IL1RAPL1: variants seen among roughly 807,000 people sequenced by gnomAD.
The protein encoded by IL1RAPL1 is interleukin-1 receptor accessory protein-like 1.
A neutral mutation model predicts 48.4 loss-of-function variants in IL1RAPL1; 3 were observed. The observed-to-expected ratio is 0.06, with a 90% CI of 0.03 to 0.16. IL1RAPL1 has a LOEUF of 0.16. IL1RAPL1 is among the 10% of genes least tolerant of loss of function. The pLI is 1.00. For synonymous variants in IL1RAPL1, 185 were observed against 187.7 expected, an observed-to-expected ratio of 0.99 and a Z score of 0.12; for missense variants, 349 against 530.6, an observed-to-expected ratio of 0.66 and a Z score of 3.36.
At chrX:29,251,874 A>G (rs954441345) in intron 2 of IL1RAPL1, among the ~76,000 whole-genome samples, 8 of 111,461 alleles carry the variant, frequency 7.2e-5, no homozygotes, top group African/African-American at 2.0e-4. Context: ...AAAGTAGAAA[A>G]TCAATGATAG....
chrX:28,778,182 T>A (rs2147260008), intron 1 of IL1RAPL1, among the ~76,000 whole-genome samples: 1 of 111,823 alleles, frequency 8.9e-6, no homozygotes, highest in South Asian at 3.7e-4. Context: ...AAAATAAAAC[T>A]AAAAAATTTG....
intron 2 of IL1RAPL1, among the ~76,000 whole-genome samples, chrX:29,069,628 A>AACAC (rs56373899): frequency 0.15 from 12,366 of 83,482 alleles, 834 homozygotes; most frequent in South Asian, 0.23. Flanking sequence ...TTTCCTATAG[A>AACAC]ACACACACAC....
chrX:28,724,969 T>G (rs1907528577), intron 1 of IL1RAPL1, among the ~76,000 whole-genome samples: 1 of 102,644 alleles, frequency 9.7e-6, no homozygotes, highest in African/African-American at 3.6e-5. Context: ...TTTTTTTTTC[T>G]GAGACGGAGT....
At chrX:29,459,132 A>T (rs971575336) in intron 5 of IL1RAPL1, among the ~76,000 whole-genome samples, 1 of 112,281 alleles carries the variant, frequency 8.9e-6, no homozygotes, top group Non-Finnish European at 1.9e-5. Flanking sequence ...TGGGGCAATG[A>T]GAAAGTATTT....
At chrX:29,238,803 A>C (rs1020755142) in intron 2 of IL1RAPL1, among the ~76,000 whole-genome samples, 2 of 112,439 alleles carry the variant, frequency 1.8e-5, no homozygotes. Context: ...TTTCAGGTAC[A>C]CTGTCAATTG....
intron 1 of IL1RAPL1, among the ~76,000 whole-genome samples, chrX:28,777,943 T>C (rs1936376961): frequency 9.0e-6 from 1 of 111,664 alleles, no homozygotes; most frequent in Non-Finnish European, 1.9e-5. Flanking sequence ...TGAGAAACCC[T>C]GCCATAGGCA....
chrX:28,612,205 G>A (rs1934156848), intron 1 of IL1RAPL1, among the ~76,000 whole-genome samples: 2 of 111,696 alleles, frequency 1.8e-5, no homozygotes, highest in Admixed American at 1.9e-4. Flanking sequence ...CCTGCACTGC[G>A]AGAGGTCTCA....
intron 3 of IL1RAPL1, among the ~76,000 whole-genome samples, chrX:29,393,719 TTTTTG>T (rs1257397407): frequency 3.8e-5 from 3 of 79,249 alleles, no homozygotes; most frequent in Non-Finnish European, 6.1e-5. Context: ...TCTGTTTTTG[TTTTTG>T]TTTTTTTTTT....
chrX:29,082,440 T>A (rs1927863495), intron 2 of IL1RAPL1, among the ~76,000 whole-genome samples: 1 of 112,411 alleles, frequency 8.9e-6, no homozygotes, highest in Admixed American at 9.4e-5. Flanking sequence ...GCTGCAGTTG[T>A]TTTTTGGTTT....
chrX:28,598,418 G>A (rs986695336), intron 1 of IL1RAPL1, among the ~76,000 whole-genome samples: 1 of 110,964 alleles, frequency 9.0e-6, no homozygotes, highest in African/African-American at 3.3e-5. Context: ...ATTCTATATT[G>A]GAAGATGTAG....
chrX:28,789,633 C>T (rs1936512696), intron 2 of IL1RAPL1, among the ~76,000 whole-genome samples: 1 of 111,663 alleles, frequency 9.0e-6, no homozygotes, highest in Admixed American at 9.5e-5. Flanking sequence ...CTTATTTTAT[C>T]GATTACTATG....
chrX:29,031,425 A>G (rs1390383074), intron 2 of IL1RAPL1, among the ~76,000 whole-genome samples: 1 of 111,814 alleles, frequency 8.9e-6, no homozygotes, highest in East Asian at 2.8e-4. Flanking sequence ...GACATAAAGA[A>G]TGAGTGAGGG....
At chrX:29,399,956 A>G (rs1397984339) in intron 5 of IL1RAPL1, among the ~76,000 whole-genome samples, 1 of 112,328 alleles carries the variant, frequency 8.9e-6, no homozygotes, top group Non-Finnish European at 1.9e-5. Context: ...TAAATAGAAT[A>G]TATGAAATCT....
At chrX:29,018,047 C>A (rs1314559443) in intron 2 of IL1RAPL1, among the ~76,000 whole-genome samples, 1 of 111,502 alleles carries the variant, frequency 9.0e-6, no homozygotes, top group East Asian at 2.8e-4. Flanking sequence ...ATGGAAATAA[C>A]TGAATTTGAA....
intron 3 of IL1RAPL1, among the ~76,000 whole-genome samples, chrX:29,371,624 A>G (rs896756354): frequency 9.0e-6 from 1 of 111,308 alleles, no homozygotes; most frequent in East Asian, 2.8e-4. Context: ...CACAGTGTCT[A>G]TTGTTCCCAT....
rs1184530305 is a variant in IL1RAPL1, at chrX:29,380,537, G to C, written c.363-15721G>C. On this transcript the variant is annotated intron_variant, in intron 3 of 10. Transcript: ENST00000378993. ...CCACTGTACCTGGCCATTGTTGAAG[G>C]CTTGTATTGGTCCAATTCCTATGGA... Among the ~76,000 whole-genome samples the C allele has an allele frequency of 2.7e-5, 3 of 112,213 alleles. 1 individual carries two copies. Among genetic ancestry groups the C allele is most frequent in the African/African-American group, 9.7e-5 (3 of 30,891 alleles).
At chrX:29,391,643 C>T (rs897085872) in intron 3 of IL1RAPL1, among the ~76,000 whole-genome samples, 1 of 111,691 alleles carries the variant, frequency 9.0e-6, no homozygotes, top group Non-Finnish European at 1.9e-5. Flanking sequence ...AAGTCCTTAA[C>T]GTCCAGAAGA....
intron 6 of IL1RAPL1, among the ~76,000 whole-genome samples, chrX:29,803,630 T>G (rs1477955215): frequency 1.9e-5 from 2 of 104,101 alleles, no homozygotes; most frequent in African/African-American, 7.0e-5. Context: ...TATGTATATA[T>G]GTGTATATAT....
chrX:29,322,946 A>G (rs1283013427), intron 3 of IL1RAPL1, among the ~76,000 whole-genome samples: 2 of 111,896 alleles, frequency 1.8e-5, no homozygotes, highest in Non-Finnish European at 1.9e-5. Context: ...TCCTTAGCCA[A>G]TATCCTACCT....
Sources: allele counts gnomAD v4.1 joint callset (sites outside exome capture counted in the v4.1 genomes callset), GRCh38; gene constraint gnomAD v4.1.1; transcripts MANE v1.5; gene names NCBI Gene and HGNC (gene_info 2026-07-23, HGNC 2026-07-21).